Variants in RNASE11 observed in about 807,000 individuals in gnomAD.
RNASE11 encodes ribonuclease A family member 11 (inactive).
For synonymous variants in RNASE11, 105 were observed against 86.1 expected (o/e 1.22, Z -1.21); for missense variants, 252 against 237.8 (o/e 1.06, Z -0.39).
chr14:20,583,695 A>G (rs7159697), exon 2 of RNASE11: 146,785 of 407,944 alleles, frequency 0.36, 27,893 homozygotes, highest in African/African-American at 0.46. Context: ...GCACGCCAGT[A>G]TCAGTCATAA....
chr14:20,588,947 C>G (rs1884496753), upstream of RNASE11, among the ~76,000 whole-genome samples: 1 of 151,970 alleles, frequency 6.6e-6, no homozygotes, highest in Admixed American at 6.6e-5. Context: ...CCACCACACC[C>G]AACTAACTTT....
upstream of RNASE11, chr14:20,587,848 G>A: frequency 1.0e-6 from 1 of 985,408 alleles, no homozygotes; most frequent in African/African-American, 1.7e-5. Flanking sequence ...CTAACAACTA[G>A]CGTAAGTGCA....
At chr14:20,585,833 T>C (rs1361209832) in intron 1 of RNASE11, among the ~76,000 whole-genome samples, 1 of 152,176 alleles carries the variant, frequency 6.6e-6, no homozygotes, top group African/African-American at 2.4e-5. Context: ...AATCCTTTAC[T>C]TGAGGTCAAT....
intron 1 of RNASE11, among the ~76,000 whole-genome samples, chr14:20,585,857 T>TA (rs112951380): frequency 0.045 from 6,882 of 152,316 alleles, 192 homozygotes; most frequent in Non-Finnish European, 0.066. Context: ...GGAAAATCCC[T>TA]AAAGAAAGGT....
At chr14:20,584,564 A>C in intron 1 of RNASE11, 68 bp from the exon 3 acceptor site, 5 of 1,329,240 alleles carry the variant, frequency 3.8e-6, no homozygotes, top group Non-Finnish European at 5.0e-6. Flanking sequence ...CTTCCTCCTG[A>C]CAGTTATTCC....
intron 1 of RNASE11, chr14:20,584,975 A>G (rs1326339312): frequency 6.0e-5 from 40 of 663,292 alleles, no homozygotes; most frequent in Non-Finnish European, 7.3e-5. Context: ...CCATTTCCCC[A>G]TCTCTCATTT....
At chr14:20,588,466 A>G (rs1361984123), upstream of RNASE11, 1 of 152,202 alleles carries the variant, frequency 6.6e-6, no homozygotes, top group Non-Finnish European at 1.5e-5. Context: ...TGAGCTCTGA[A>G]AGTCTCAATC....
chr14:20,584,973 C>T, intron 1 of RNASE11: 10 of 648,774 alleles, frequency 1.5e-5, no homozygotes, highest in Non-Finnish European at 1.9e-5. Context: ...TGCCATTTCC[C>T]CATCTCTCAT....
At chr14:20,587,364 G>A (rs1884457259) in intron 1 of RNASE11, among the ~76,000 whole-genome samples, 199 bp downstream of exon 2, 1 of 152,114 alleles carries the variant, frequency 6.6e-6, no homozygotes, top group African/African-American at 2.4e-5. Context: ...TAGAAAGGAG[G>A]AGCTTCGGTG....
exon 2 of RNASE11, chr14:20,584,193 G>C (rs1884378536): frequency 6.2e-7 from 1 of 1,614,052 alleles, no homozygotes. Flanking sequence ...AACACTCTTT[G>C]TCATTACCCG....
downstream of RNASE11, chr14:20,582,939 G>C (rs376766178): frequency 6.6e-6 from 1 of 152,190 alleles, no homozygotes; most frequent in Non-Finnish European, 1.5e-5. Flanking sequence ...CATTAAGAAA[G>C]AGTGGTCTCA....
At chr14:20,586,159 C>G (rs1056212743) in intron 1 of RNASE11, among the ~76,000 whole-genome samples, 2 of 152,240 alleles carry the variant, frequency 1.3e-5, no homozygotes, top group African/African-American at 4.8e-5. Flanking sequence ...CTCAATCTGC[C>G]TATCGGGATT....
exon 2 of RNASE11, chr14:20,583,966 T>C (rs758496190): frequency 5.0e-6 from 8 of 1,614,192 alleles, no homozygotes; most frequent in Non-Finnish European, 6.8e-6. Context: ...ACTATGGTAT[T>C]GGCACCTGGG....
exon 2 of RNASE11, chr14:20,583,614 G>A (rs1289802362): frequency 5.3e-6 from 2 of 379,434 alleles, no homozygotes; most frequent in Non-Finnish European, 4.7e-6. Context: ...GAGCTAGGAT[G>A]AAATTCAGTT....
upstream of RNASE11, chr14:20,590,166 C>A: frequency 6.7e-7 from 1 of 1,501,020 alleles, no homozygotes. Flanking sequence ...TTACCAGTGG[C>A]TTCCCCTTCC....
chr14:20,584,545 T>A, intron 1 of RNASE11, 49 bp from the exon 3 acceptor site: 1 of 1,432,716 alleles, frequency 7.0e-7, no homozygotes, highest in Non-Finnish European at 9.3e-7. Context: ...ATTAAAGAGG[T>A]AGTTCTTTCT....
At chr14:20,583,530 G>C, downstream of RNASE11, 1 of 234,644 alleles carries the variant, frequency 4.3e-6, no homozygotes, top group Non-Finnish European at 8.3e-6. Flanking sequence ...GCTTTTCATT[G>C]TCCATATTGG....
At chr14:20,584,805 C>A (rs1419545521) in intron 1 of RNASE11, among the ~76,000 whole-genome samples, 1 of 152,160 alleles carries the variant, frequency 6.6e-6, no homozygotes, top group Non-Finnish European at 1.5e-5. Flanking sequence ...GTTTCTTATC[C>A]TTTTCCCTTG....
downstream of RNASE11, chr14:20,583,440 C>T (rs1884351358): frequency 5.9e-6 from 1 of 169,664 alleles, no homozygotes; most frequent in South Asian, 1.4e-4. Context: ...GAGCACATAC[C>T]CTTTGAAGAG....
Sources: allele counts gnomAD v4.1 joint callset (sites outside exome capture counted in the v4.1 genomes callset), GRCh38; gene constraint gnomAD v4.1.1; transcripts MANE v1.5; gene names NCBI Gene and HGNC (gene_info 2026-07-23, HGNC 2026-07-21).